The following SYNE1 variants were observed in gnomAD, a reference collection of about 807,000 sequenced individuals.
SYNE1 encodes nesprin-1.
Under a neutral mutation model 1,111.0 loss-of-function variants are expected in SYNE1, and 616 were observed. The observed-to-expected ratio is 0.55, with a 90% CI of 0.52 to 0.59. The LOEUF (loss-of-function observed/expected upper bound fraction) is 0.59. Among genes scored for constraint, SYNE1 ranks in the 20% least tolerant of loss-of-function variants. SYNE1 has a pLI of 0.00. For missense variants in SYNE1, 10,006 were observed against 10,417.0 expected (o/e 0.96, Z 1.72); for synonymous variants, 3,855 against 3,825.8 (o/e 1.01, Z -0.28).
intron 112 of SYNE1, among the ~76,000 whole-genome samples, chr6:152,232,766 T>C (rs1012069439): frequency 6.6e-6 from 1 of 152,240 alleles, no homozygotes; most frequent in Non-Finnish European, 1.5e-5. Flanking sequence ...TTAGCTGATA[T>C]ACACTACTTA....
chr6:152,513,380 C>G (rs960712495), intron 6 of SYNE1, among the ~76,000 whole-genome samples: 6 of 152,052 alleles, frequency 3.9e-5, no homozygotes, highest in African/African-American at 1.5e-4. Flanking sequence ...TAGTCTCACT[C>G]TGTTGCCTAG....
rs1209951739 is a variant in SYNE1 at position 152,387,170 on chromosome 6, A to C, written c.8389T>G (p.Ser2797Ala). The change falls in exon 54 of 146, where the codon TCC (serine) becomes GCC (alanine). Residue 2797 changes from serine (S) to alanine (A), a missense_variant. By Grantham distance (99) the Ser-to-Ala change is moderately conservative. This residue lies in a region of SYNE1 where 4,955 missense variants were observed against 5,017.2 expected (regional missense o/e 0.99). Coordinates refer to ENST00000367255, the MANE Select transcript of SYNE1 (RefSeq NM_182961.4). ...TRALHRLIAKSRELYEKTEDE... is the reference protein window; with the variant it reads ...TRALHRLIAKARELYEKTEDE... ...TCTGTCTTTTCGTAGAGCTCCCTGG[A>C]CTTCGCAATTAGACGGTGAAGGGCT... 26 of 1,614,052 alleles carry C rather than the reference A, an allele frequency of 1.6e-5. No individual in the cohort carries two copies. The highest frequency in any genetic ancestry group is 2.1e-5 in the Non-Finnish European group (25 of 1,180,036).
Position 152,136,718 on chromosome 6 carries a change from A to G in SYNE1, c.25559T>C (p.Leu8520Pro). 6.2e-7 allele frequency: 1 copy of G among 1,614,256 alleles called. No individual in the cohort carries two copies. Among genetic ancestry groups the G allele is most frequent in the Non-Finnish European group, 8.5e-7 (1 of 1,180,050 alleles). ...TQADSKESRD[L>P]QDRLSQMNGR... ...ATTCATCTGCGACAAGCGATCCTGC[A>G]GGTCCCGGCTCTCCTTGCTGTCAGC... Residue 8520 changes from leucine (L) to proline (P), a missense_variant, in exon 141 of 146, where the codon CTG becomes CCG. By Grantham distance (98) the Leu-to-Pro change is moderately conservative. Transcript: ENST00000367255.
chr6:152,413,628 T>C, intron 41 of SYNE1, 97 bp from the exon 42 acceptor site: 1 of 1,212,230 alleles, frequency 8.2e-7, no homozygotes, highest in Admixed American at 2.0e-5. Flanking sequence ...AAGCACTCAT[T>C]TAGACAGCTA....
chr6:152,315,197 CTTTTTTTTTTTTT>C (rs57333075), intron 87 of SYNE1: 1 of 110,944 alleles, frequency 9.0e-6, no homozygotes, highest in African/African-American at 3.5e-5. Flanking sequence ...AGAGTAGTAA[CTTTTTTTTTTTTT>C]TTTTTTTTTT....
At chr6:152,415,958 G>A (rs1222416383) in intron 41 of SYNE1, among the ~76,000 whole-genome samples, 3 of 152,080 alleles carry the variant, frequency 2.0e-5, no homozygotes, top group African/African-American at 7.2e-5. Context: ...AACAGTCTGT[G>A]GTTTATACCT....
At chr6:152,329,637 A>G in intron 78 of SYNE1, 93 bp downstream of exon 78, 1 of 1,515,916 alleles carries the variant, frequency 6.6e-7, no homozygotes, top group Non-Finnish European at 9.1e-7. Context: ...GAAATATTTA[A>G]AGAAGCAATT....
rs1563511615 is a variant in SYNE1, at chr6:152,207,956, G to A, written c.22824+16C>T. 7.4e-6 allele frequency: 12 copies of A among 1,613,454 alleles called. No individual in the cohort carries two copies. Among genetic ancestry groups the A allele is most frequent in the Non-Finnish European group, 1.0e-5 (12 of 1,179,410 alleles). On this transcript the variant is annotated intron_variant, in intron 125 of 145. Coordinates refer to ENST00000367255, the MANE Select transcript of SYNE1 (RefSeq NM_182961.4). ...AATGCCTAAGAGGTGTGAGAACACT[G>A]TGTTTTGCATCTTACCTGCACTTCA...
chr6:152,454,638 C>A (rs1178811864), intron 24 of SYNE1, among the ~76,000 whole-genome samples: 2 of 152,236 alleles, frequency 1.3e-5, no homozygotes, highest in Non-Finnish European at 2.9e-5. Flanking sequence ...AAGTCTCACA[C>A]AGTCTCAGGA....
Position 152,368,085 on chromosome 6 carries a change from A to G in SYNE1, c.9808-703T>C, listed in dbSNP as rs183586819. 3.1e-4 allele frequency: 47 copies of G among 154,050 alleles called. No individual in the cohort carries two copies. The East Asian group carries it at 8.6e-3, about 28-fold the overall frequency. 9.5% of individuals were successfully genotyped at this position (154,050 alleles called of 1,614,324 possible). ...GTAAACATAGACTATTTACTCCCAG[A>G]CCTAAGCTAGTGTGACTGCTTCAGT... On this transcript the variant is annotated intron_variant, in intron 61 of 145. Coordinates refer to ENST00000367255, the MANE Select transcript of SYNE1 (RefSeq NM_182961.4).
In SYNE1 at chr6:152,348,327, T is replaced by C. The variant is rs12528221; in HGVS notation, c.11902-1092A>G. Among the ~76,000 whole-genome samples the C allele has an allele frequency of 5.0e-3, 760 of 152,284 alleles. 7 individuals are homozygous for C. The highest frequency in any genetic ancestry group is 0.016 in the African/African-American group (657 of 41,554). On this transcript the variant is annotated intron_variant, in intron 72 of 145. Coordinates refer to ENST00000367255, the MANE Select transcript of SYNE1 (RefSeq NM_182961.4). ...CCTGATTTCACCTCACACCACCATG[T>C]CCACTTGCATTCTTTAGTGAGCATT...
chr6:152,399,717 C>A lies in SYNE1; in HGVS notation c.7136G>T (p.Gly2379Val). ...KYHSAELESL[G>V]RAMTGLIKKH... Reference sequence around the variant, plus strand: ...CTTTATCAGACCAGTCATTGCACGGCCCAGGCTCTCCAACTCAGCTGAGTG... The same window carrying A: ...CTTTATCAGACCAGTCATTGCACGGACCAGGCTCTCCAACTCAGCTGAGTG... The change falls in exon 48 of 146, where the codon GGC (glycine) becomes GTC (valine). Residue 2379 changes from glycine (G) to valine (V), a missense_variant. By Grantham distance (109) the Gly-to-Val change is moderately radical. Coordinates refer to ENST00000367255, the MANE Select transcript of SYNE1 (RefSeq NM_182961.4). 1 of 1,614,152 alleles carries A rather than the reference C, an allele frequency of 6.2e-7. No individual in the cohort carries two copies. Among genetic ancestry groups the A allele is most frequent in the South Asian group, 1.1e-5 (1 of 91,082 alleles).
chr6:152,473,818 GTT>G (rs2098820271), intron 14 of SYNE1, among the ~76,000 whole-genome samples: 1 of 152,198 alleles, frequency 6.6e-6, no homozygotes, highest in African/African-American at 2.4e-5. Context: ...ATTTGTGACA[GTT>G]TTTAAGTATC....
At chr6:152,408,151 C>T (rs1218444496) in intron 44 of SYNE1, among the ~76,000 whole-genome samples, 1 of 152,150 alleles carries the variant, frequency 6.6e-6, no homozygotes, top group Non-Finnish European at 1.5e-5. Flanking sequence ...CAAAGTCTAA[C>T]TGGTAAATTT....
Position 152,334,049 on chromosome 6 carries a change from C to T in SYNE1, c.12753G>A (p.Val4251=). Residue 4251 remains valine (V), a synonymous_variant, in exon 77 of 146, where the codon GTG becomes GTA. Transcript: ENST00000367255. ...ATTCTGTAGTAAATTTTTCTAGGAA[C>T]ACTTCAACAACATTCATACAGTCAT... ...DYHDCMNVVE[V]FLEKFTTEWD... is the part of the protein sequence containing the mutation. 6.2e-7 allele frequency: 1 copy of T among 1,614,160 alleles called. No homozygotes were observed. The highest frequency in any genetic ancestry group is 1.1e-5 in the South Asian group (1 of 91,078).
At chr6:152,534,713 G>T (rs2154362140) in intron 4 of SYNE1, among the ~76,000 whole-genome samples, 1 of 152,182 alleles carries the variant, frequency 6.6e-6, no homozygotes, top group South Asian at 2.1e-4. Context: ...ACCAAAATGT[G>T]TACAAGGAAA....
At chr6:152,450,046 G>A (rs1198810966) in intron 27 of SYNE1, among the ~76,000 whole-genome samples, 2 of 152,186 alleles carry the variant, frequency 1.3e-5, no homozygotes, top group African/African-American at 4.8e-5. Flanking sequence ...ATCTTGAATT[G>A]TAGTTTCCAT....
chr6:152,260,429 T>C (rs2091803371), intron 101 of SYNE1, among the ~76,000 whole-genome samples: 1 of 152,126 alleles, frequency 6.6e-6, no homozygotes, highest in South Asian at 2.1e-4. Flanking sequence ...CCAGGGTGGA[T>C]ACGATTCTGG....
chr6:152,278,944 T>A (rs2093830443), intron 97 of SYNE1, among the ~76,000 whole-genome samples: 1 of 152,006 alleles, frequency 6.6e-6, no homozygotes, highest in East Asian at 1.9e-4. Flanking sequence ...AATTTTTTAT[T>A]TTTTCAACAG....
Sources: gnomAD v4.1 joint callset for allele counts (sites outside exome capture counted in the v4.1 genomes callset) on GRCh38, gnomAD v4.1.1 for gene constraint, gnomAD v4.1.1 regional missense constraint, MANE v1.5 for transcripts, NCBI Gene and HGNC (gene_info 2026-07-23, HGNC 2026-07-21) for gene names.